MEI4: variants seen among roughly 807,000 people sequenced by gnomAD.
MEI4 encodes the protein meiotic double-stranded break formation protein 4.
A neutral mutation model predicts 31.4 loss-of-function variants in MEI4; 27 were observed. That is an observed-to-expected ratio of 0.86 (90% CI 0.63 to 1.19). The LOEUF (loss-of-function observed/expected upper bound fraction) is 1.19. Ranked by LOEUF, MEI4 falls within the 50% of genes most tolerant of loss-of-function variation. The pLI is 0.00. For missense variants in MEI4, 329 were observed against 398.9 expected (o/e 0.82, Z 1.49); for synonymous variants, 122 against 145.4 (o/e 0.84, Z 1.16).
intron 3 of MEI4, among the ~76,000 whole-genome samples, chr6:77,795,336 A>T (rs1769046491): frequency 6.6e-6 from 1 of 152,138 alleles, no homozygotes; most frequent in African/African-American, 2.4e-5. Flanking sequence ...ATCCAAATTG[A>T]TTAAAAAAGA....
At chr6:77,804,088 G>A (rs1769359151) in intron 3 of MEI4, among the ~76,000 whole-genome samples, 1 of 152,200 alleles carries the variant, frequency 6.6e-6, no homozygotes, top group African/African-American at 2.4e-5. Flanking sequence ...TACAGAGGCA[G>A]GCAGGCCTCC....
chr6:77,784,662 T>C (rs1410677994), intron 3 of MEI4, among the ~76,000 whole-genome samples: 1 of 152,104 alleles, frequency 6.6e-6, no homozygotes, highest in Non-Finnish European at 1.5e-5. Context: ...ACAAAGCACT[T>C]TTAAAATTTG....
chr6:77,729,607 G>A (rs114192251), intron 2 of MEI4, among the ~76,000 whole-genome samples: 1,576 of 152,268 alleles, frequency 0.01, 29 homozygotes, highest in African/African-American at 0.036. Flanking sequence ...CTGAGTGCAG[G>A]AGTTTGGGAA....
intron 4 of MEI4, among the ~76,000 whole-genome samples, chr6:77,831,204 A>G (rs1345541496): frequency 2.0e-5 from 3 of 152,028 alleles, no homozygotes; most frequent in South Asian, 4.1e-4. Context: ...CAAAACCACA[A>G]TGAGATATCA....
chr6:77,862,937 C>T (rs1415063139), intron 4 of MEI4, among the ~76,000 whole-genome samples: 1 of 152,282 alleles, frequency 6.6e-6, no homozygotes, highest in East Asian at 1.9e-4. Context: ...TGTTCTGCAG[C>T]CTCCACTGCT....
rs1361117272 is a variant in MEI4, at chr6:77,923,118, T to A, written c.930T>A (p.Tyr310Ter). Reference sequence around the variant, plus strand: ...AAGCCAGTTATGATGTGTCACGCTATGAAAACATTTTCTACCTGTTCTGGG... The same window carrying A: ...AAGCCAGTTATGATGTGTCACGCTAAGAAAACATTTTCTACCTGTTCTGGG... The part of the protein sequence containing the change: ...QEQASYDVSR[Y>*]ENIFYLFWVL... Residue 310 changes from tyrosine to a stop codon, truncating the protein, a stop_gained, in exon 5 of 5, where the codon TAT becomes TAA. Coordinates refer to ENST00000684080, the MANE Select transcript of MEI4 (RefSeq NM_001322247.2). LOFTEE classifies it high-confidence loss of function. The A allele has an allele frequency of 2.4e-6, 3 of 1,230,428 alleles. No individual in the cohort carries two copies. In the East Asian group the frequency reaches 9.5e-5, roughly 39 times the overall value. 76.2% of individuals were successfully genotyped at this position (1,230,428 alleles called of 1,614,324 possible).
chr6:77,852,115 G>T (rs1397861219), intron 4 of MEI4, among the ~76,000 whole-genome samples: 1 of 152,100 alleles, frequency 6.6e-6, no homozygotes, highest in Non-Finnish European at 1.5e-5. Flanking sequence ...ATCTAAGCCT[G>T]GTAGCTTTGC....
At chr6:77,904,136 A>G (rs903502964) in intron 4 of MEI4, among the ~76,000 whole-genome samples, 3 of 151,988 alleles carry the variant, frequency 2.0e-5, no homozygotes, top group Non-Finnish European at 4.4e-5. Flanking sequence ...CTTCTCTTAC[A>G]TTCTTTGCAA....
chr6:77,834,026 CA>C (rs1349193817), intron 4 of MEI4, among the ~76,000 whole-genome samples: 3 of 152,098 alleles, frequency 2.0e-5, no homozygotes, highest in African/African-American at 7.2e-5. Flanking sequence ...TTTAGTCTAT[CA>C]TTGATGGGCA....
chr6:77,807,019 C>G (rs1769457813), intron 3 of MEI4, among the ~76,000 whole-genome samples: 2 of 151,988 alleles, frequency 1.3e-5, no homozygotes, highest in African/African-American at 2.4e-5. Context: ...TGCTATTTTG[C>G]TTTGTTTTGT....
At chr6:77,659,618 G>A (rs1049360962) in intron 1 of MEI4, among the ~76,000 whole-genome samples, 1 of 152,156 alleles carries the variant, frequency 6.6e-6, no homozygotes, top group African/African-American at 2.4e-5. Context: ...GAGGGCCTGG[G>A]AGGAGAGTCT....
intron 3 of MEI4, among the ~76,000 whole-genome samples, chr6:77,804,852 T>A (rs1180047553): frequency 6.6e-6 from 1 of 152,230 alleles, no homozygotes; most frequent in Non-Finnish European, 1.5e-5. Flanking sequence ...ACAAGCATTG[T>A]CTGTCAATCT....
At chr6:77,695,703 C>T (rs1425882546) in intron 2 of MEI4, among the ~76,000 whole-genome samples, 1 of 152,162 alleles carries the variant, frequency 6.6e-6, no homozygotes, top group African/African-American at 2.4e-5. Flanking sequence ...AGCATGATGC[C>T]TCCGGCTTTG....
intron 4 of MEI4, among the ~76,000 whole-genome samples, chr6:77,883,745 A>ATATCTATCTATCTAT (rs55947073): frequency 3.6e-5 from 3 of 82,302 alleles, no homozygotes; most frequent in African/African-American, 1.5e-4. Context: ...TATATATATA[A>ATATCTATCTATCTAT]CTTTGTCTTT....
rs144931090 is a variant in MEI4 at position 77,792,749 on chromosome 6, A to G, written c.768+31084A>G. 1.5e-3 allele frequency among the ~76,000 whole-genome samples: 230 copies of G among 149,466 alleles called. 1 individual carries two copies. The highest frequency in any genetic ancestry group is 4.5e-3 in the African/African-American group (184 of 40,534). ...TTTTTTTTAGACGGAGTCTCGCTCT[A>G]TTGCACAGGCTGGAGTGCAGTGGCG... On this transcript the variant is annotated intron_variant, in intron 3 of 4. Coordinates refer to ENST00000684080, the MANE Select transcript of MEI4 (RefSeq NM_001322247.2).
intron 4 of MEI4, among the ~76,000 whole-genome samples, chr6:77,877,480 G>C (rs1771369354): frequency 1.8e-5 from 1 of 55,328 alleles, no homozygotes; most frequent in South Asian, 3.9e-4. Flanking sequence ...TCATCTAGCT[G>C]ATGGTTGCTG....
intron 4 of MEI4, among the ~76,000 whole-genome samples, chr6:77,903,647 T>C (rs1006151152): frequency 2.0e-5 from 3 of 152,130 alleles, no homozygotes; most frequent in African/African-American, 7.2e-5. Context: ...CTTTTTACCA[T>C]TGATTATGAT....
chr6:77,854,713 T>A (rs1770706738), intron 4 of MEI4, among the ~76,000 whole-genome samples: 1 of 152,034 alleles, frequency 6.6e-6, no homozygotes, highest in Admixed American at 6.6e-5. Context: ...CAGGTGGTTG[T>A]GGTAGTGGGG....
intron 1 of MEI4, among the ~76,000 whole-genome samples, chr6:77,665,190 G>A (rs1407248540): frequency 2.0e-5 from 3 of 151,804 alleles, no homozygotes; most frequent in East Asian, 2.0e-4. Flanking sequence ...GAAAGGGGTC[G>A]AGGCATGGAA....
Sources: allele counts gnomAD v4.1 joint callset (sites outside exome capture counted in the v4.1 genomes callset), GRCh38; gene constraint gnomAD v4.1.1; transcripts MANE v1.5; gene names NCBI Gene and HGNC (gene_info 2026-07-23, HGNC 2026-07-21).